Variants in PHEX observed in about 807,000 individuals in gnomAD.
PHEX encodes phosphate-regulating neutral endopeptidase PHEX.
In PHEX, 16 loss-of-function variants were observed where a neutral mutation model predicts 68.0. That is an observed-to-expected ratio of 0.24 (90% CI 0.16 to 0.36). The LOEUF (loss-of-function observed/expected upper bound fraction) is 0.36, where lower values mean the gene tolerates loss of function less well. Ranked by LOEUF, PHEX falls within the 10% of genes least tolerant of loss-of-function variation. The pLI is 1.00. For synonymous variants in PHEX, 208 were observed against 205.1 expected (o/e 1.01, Z -0.12); for missense variants, 480 against 575.5 (o/e 0.83, Z 1.70).
intron 11 of PHEX, among the ~76,000 whole-genome samples, chrX:22,130,483 A>G (rs1432536197): frequency 3.9e-5 from 4 of 101,597 alleles, no homozygotes; most frequent in Non-Finnish European, 7.9e-5. Context: ...TGGAGGTTAC[A>G]GTGAGCAGTG....
chrX:22,081,911 T>C (rs1487386650), intron 5 of PHEX, among the ~76,000 whole-genome samples: 1 of 110,851 alleles, frequency 9.0e-6, no homozygotes, highest in East Asian at 2.8e-4. Context: ...CCTGAAAGAG[T>C]ATTTGGAAGG....
At chrX:22,069,424 T>C (rs890433467) in intron 3 of PHEX, among the ~76,000 whole-genome samples, 4 of 111,911 alleles carry the variant, frequency 3.6e-5, no homozygotes, top group African/African-American at 1.3e-4. Context: ...TAAGTGAACA[T>C]AATAAAAGAG....
chrX:22,166,514 A>G (rs964815962), intron 12 of PHEX, among the ~76,000 whole-genome samples: 1 of 110,257 alleles, frequency 9.1e-6, no homozygotes, highest in African/African-American at 3.3e-5. Context: ...AACTGACTAT[A>G]TACTGTCAAA....
intron 12 of PHEX, among the ~76,000 whole-genome samples, chrX:22,158,120 C>G (rs1437218341): frequency 8.9e-6 from 1 of 112,040 alleles, no homozygotes. Context: ...TTCATCAATA[C>G]CATTAGCTCC....
chrX:22,142,593 G>A (rs1360357869), intron 12 of PHEX, among the ~76,000 whole-genome samples: 2 of 112,162 alleles, frequency 1.8e-5, no homozygotes, highest in South Asian at 3.7e-4. Flanking sequence ...CAGCCAATTT[G>A]TTCATCCTTT....
chrX:22,168,847 C>T (rs911937023), intron 13 of PHEX, among the ~76,000 whole-genome samples: 9 of 111,698 alleles, frequency 8.1e-5, no homozygotes, highest in Admixed American at 6.7e-4. Flanking sequence ...CATATACATA[C>T]GACTCTATAA....
intron 3 of PHEX, among the ~76,000 whole-genome samples, chrX:22,059,189 A>G (rs1672192498): frequency 8.9e-6 from 1 of 111,746 alleles, no homozygotes; most frequent in South Asian, 3.7e-4. Flanking sequence ...AGGGCTGTCA[A>G]TACAATTCAG....
At chrX:22,173,578 T>C (rs1248743477) in intron 13 of PHEX, among the ~76,000 whole-genome samples, 2 of 110,504 alleles carry the variant, frequency 1.8e-5, no homozygotes, top group Non-Finnish European at 3.8e-5. Flanking sequence ...TGCACCAACA[T>C]AATAAGTATG....
At chrX:22,149,056 A>T (rs752392746) in intron 12 of PHEX, among the ~76,000 whole-genome samples, 35 of 111,859 alleles carry the variant, frequency 3.1e-4, no homozygotes, top group Non-Finnish European at 4.1e-4. Flanking sequence ...ATTTGAGTTC[A>T]TTAGTAAATA....
chrX:22,137,307 T>C (rs2269466), intron 12 of PHEX, among the ~76,000 whole-genome samples: 24,908 of 111,037 alleles, frequency 0.22, 2,521 homozygotes, highest in Middle Eastern at 0.34. Context: ...GACCTAAGTT[T>C]GTCAGGTCAC....
intron 20 of PHEX, among the ~76,000 whole-genome samples, chrX:22,231,181 C>T (rs746701890): frequency 3.6e-5 from 4 of 112,168 alleles, no homozygotes; most frequent in African/African-American, 9.7e-5. Flanking sequence ...AGTATTTTAT[C>T]GGGTATTTTC....
chrX:22,249,310 A>C lies in PHEX; in HGVS notation c.*1357A>C, dbSNP rs1936487076. The stretch of plus-strand genomic sequence containing the variant: ...GGTTTCTTAAAATAGGCATCCCCCT[A>C]CTCCCTTTACATTATTCATTAGACA... On this transcript the variant is annotated 3_prime_UTR_variant, in exon 22 of 22. Transcript: ENST00000379374. The C allele has an allele frequency of 9.9e-6, 1 of 100,989 alleles. No individual in the cohort carries two copies. Among genetic ancestry groups the C allele is most frequent in the Non-Finnish European group, 2.0e-5 (1 of 50,333 alleles). The allele number at this position is 100,989 out of a possible 1,213,427, so 8.3% of individuals were successfully genotyped here. A position where few individuals can be genotyped will look rare whatever the true frequency, so the allele number is the denominator to read the frequency against.
intron 21 of PHEX, among the ~76,000 whole-genome samples, chrX:22,245,999 A>C (rs1259298487): frequency 8.9e-6 from 1 of 111,798 alleles, no homozygotes; most frequent in Non-Finnish European, 1.9e-5. Context: ...CTCTGAACAC[A>C]AAGGAGGATA....
At chrX:22,074,510 T>C (rs1303766619) in intron 3 of PHEX, among the ~76,000 whole-genome samples, 1 of 110,663 alleles carries the variant, frequency 9.0e-6, no homozygotes, top group Non-Finnish European at 1.9e-5. Flanking sequence ...CACAGGTAAA[T>C]ATTTAATGCT....
chrX:22,087,366 A>C (rs1207272154), intron 5 of PHEX, among the ~76,000 whole-genome samples: 2 of 111,911 alleles, frequency 1.8e-5, no homozygotes, highest in Admixed American at 1.9e-4. Flanking sequence ...CGAAGCCAGG[A>C]AGGCTTGTGA....
chrX:22,084,948 T>C (rs1929562344), intron 5 of PHEX, among the ~76,000 whole-genome samples: 1 of 111,458 alleles, frequency 9.0e-6, no homozygotes, highest in South Asian at 3.7e-4. Flanking sequence ...ACTTTTTTCA[T>C]TAATTTTTTT....
chrX:22,113,157 G>A (rs1931069685), intron 10 of PHEX, among the ~76,000 whole-genome samples: 1 of 110,562 alleles, frequency 9.0e-6, no homozygotes, highest in East Asian at 2.8e-4. Flanking sequence ...AGCACTGTGT[G>A]AACATTTAAG....
intron 12 of PHEX, among the ~76,000 whole-genome samples, chrX:22,137,486 G>T (rs1027506379): frequency 9.0e-6 from 1 of 111,388 alleles, no homozygotes; most frequent in African/African-American, 3.3e-5. Flanking sequence ...GGTGGTGAGA[G>T]TTTTCTTGCA....
At chrX:22,187,950 C>T (rs981720719) in intron 14 of PHEX, among the ~76,000 whole-genome samples, 2 of 111,390 alleles carry the variant, frequency 1.8e-5, no homozygotes, top group African/African-American at 6.5e-5. Context: ...TCATTATCCT[C>T]GTCTGTGAAA....
Sources: allele counts gnomAD v4.1 joint callset (sites outside exome capture counted in the v4.1 genomes callset), GRCh38; gene constraint gnomAD v4.1.1; transcripts MANE v1.5; gene names NCBI Gene and HGNC (gene_info 2026-07-23, HGNC 2026-07-21).